The following EIF2AK3 variants were observed in gnomAD, a reference collection of about 807,000 sequenced individuals.
EIF2AK3 encodes eukaryotic translation initiation factor 2-alpha kinase 3.
Under a neutral mutation model 113.5 loss-of-function variants are expected in EIF2AK3, and 50 were observed. That is an observed-to-expected ratio of 0.44 (90% CI 0.35 to 0.56). The LOEUF is 0.56. Among genes scored for constraint, EIF2AK3 ranks in the 20% least tolerant of loss-of-function variants. The pLI is 0.00. For synonymous variants in EIF2AK3, 448 were observed against 495.4 expected (o/e 0.90, Z 1.27); for missense variants, 1,185 against 1,378.0 (o/e 0.86, Z 2.22).
At chr2:88,594,044 G>T in intron 3 of EIF2AK3, 1 of 663,428 alleles carries the variant, frequency 1.5e-6, no homozygotes, top group Non-Finnish European at 1.9e-6. Context: ...AAAACGGCCA[G>T]ATAGGATGGC....
At chr2:88,558,329 A>G (rs1009060762) in intron 16 of EIF2AK3, among the ~76,000 whole-genome samples, 11 of 152,238 alleles carry the variant, frequency 7.2e-5, no homozygotes, top group African/African-American at 2.4e-4. Context: ...ATCATCTTAT[A>G]ATTGCATGTA....
Position 88,556,801 on chromosome 2 carries a change from C to A in EIF2AK3, c.*935G>T, listed in dbSNP as rs1673788906. 6.6e-6 allele frequency: 1 copy of A among 152,166 alleles called. No individual in the cohort carries two copies. The highest frequency in any genetic ancestry group is 2.1e-4 in the South Asian group (1 of 4,832). 9.4% of individuals were successfully genotyped at this position (152,166 alleles called of 1,614,324 possible). A position where few individuals can be genotyped will look rare whatever the true frequency, so the allele number is the denominator to read the frequency against. ...TTGAAAGAAGTCACAAGTTAACACA[C>A]TTAAGTGTGTTCTGTACACCACCAA... On this transcript the variant is annotated 3_prime_UTR_variant, in exon 17 of 17. Transcript: ENST00000303236.
rs1011056886 is a variant in EIF2AK3 at position 88,557,433 on chromosome 2, T to C, written c.*303A>G. ...TCCATTTTAGTTCTCACTATATATA[T>C]ATATTAGGGATTGCTGCTACCTCCT... On this transcript the variant is annotated 3_prime_UTR_variant, in exon 17 of 17. Coordinates refer to ENST00000303236, the MANE Select transcript of EIF2AK3 (RefSeq NM_004836.7). 18 of 407,890 alleles carry C rather than the reference T, an allele frequency of 4.4e-5. No individual in the cohort carries two copies. The highest frequency in any genetic ancestry group is 8.2e-5 in the Non-Finnish European group (18 of 219,454). The allele number at this position is 407,890 out of a possible 1,614,324, so 25.3% of individuals were successfully genotyped here.
intron 2 of EIF2AK3, among the ~76,000 whole-genome samples, chr2:88,599,080 C>T (rs1332180599): frequency 6.6e-6 from 1 of 151,432 alleles, no homozygotes; most frequent in East Asian, 1.9e-4. Context: ...GAAATTATTT[C>T]CAAACAAGAG....
At chr2:88,594,808 A>C (rs1353893808) in intron 3 of EIF2AK3, among the ~76,000 whole-genome samples, 1 of 142,514 alleles carries the variant, frequency 7.0e-6, no homozygotes, top group Non-Finnish European at 1.5e-5. Context: ...AATCTTTATA[A>C]GGTTCTTCAT....
chr2:88,575,683 G>C (rs1042749678), intron 12 of EIF2AK3: 5 of 523,880 alleles, frequency 9.5e-6, no homozygotes. Flanking sequence ...CAGTTACCTG[G>C]GACTGTCTGG....
In EIF2AK3 at chr2:88,590,439, T is replaced by G; in HGVS notation, c.1165+4A>C. 6.2e-7 allele frequency: 1 copy of G among 1,613,718 alleles called. No individual in the cohort carries two copies. Among genetic ancestry groups the G allele is most frequent in the Non-Finnish European group, 8.5e-7 (1 of 1,179,822 alleles). ...CTATCGTTAGATAAGATACATTTAC[T>G]CACCCAAGTAAACACTGTTTTCTGT... On this transcript the variant is annotated splice_donor_region_variant and intron_variant, in intron 6 of 16. Coordinates refer to ENST00000303236, the MANE Select transcript of EIF2AK3 (RefSeq NM_004836.7).
chr2:88,576,834 A>C, intron 11 of EIF2AK3, 131 bp from the exon 12 acceptor site: 1 of 1,010,800 alleles, frequency 9.9e-7, no homozygotes, highest in Non-Finnish European at 1.4e-6. Flanking sequence ...AATTAAAGAA[A>C]TAAAATTAGC....
At position 88,570,871 on chromosome 2, in the gene EIF2AK3, C is replaced by T; in HGVS notation, c.2985+3G>A. ...CTAGTAAGTAAAGGTCTGAAAAACT[C>T]ACCTGCTCTGGGCTCATATACAGTT... On this transcript the variant is annotated splice_donor_region_variant and intron_variant, in intron 14 of 16. Coordinates refer to ENST00000303236, the MANE Select transcript of EIF2AK3 (RefSeq NM_004836.7). 1.2e-6 allele frequency: 2 copies of T among 1,614,134 alleles called. No individual in the cohort carries two copies. The highest frequency in any genetic ancestry group is 1.7e-5 in the Admixed American group (1 of 60,018).
At chr2:88,608,369 C>T (rs1675340772) in intron 2 of EIF2AK3, among the ~76,000 whole-genome samples, 1 of 152,100 alleles carries the variant, frequency 6.6e-6, no homozygotes, top group Admixed American at 6.5e-5. Flanking sequence ...GCCCAACTTT[C>T]ATACCATTCT....
intron 16 of EIF2AK3, 84 bp from the exon 17 acceptor site, chr2:88,558,020 T>A: frequency 7.4e-7 from 1 of 1,357,548 alleles, no homozygotes; most frequent in Non-Finnish European, 1.0e-6. Flanking sequence ...GCAAAATATT[T>A]CTGTACATAT....
Position 88,627,288 on chromosome 2 carries a change from C to G in EIF2AK3, c.-14G>C, listed in dbSNP as rs918978676. 10 of 1,483,958 alleles carry G rather than the reference C, an allele frequency of 6.7e-6. No homozygotes were observed. Among genetic ancestry groups the G allele is most frequent in the South Asian group, 3.8e-5 (3 of 79,640 alleles). The allele number at this position is 1,483,958 out of a possible 1,614,324, so 91.9% of individuals were successfully genotyped here. ...GGCGCGCTCCATCAGCGTCCCGCCC[C>G]GCGCGCAGGCATGGAGGCGCAGCCA... On this transcript the variant is annotated 5_prime_UTR_variant, in exon 1 of 17. Transcript: ENST00000303236.
At chr2:88,611,623 A>G (rs1054592786) in intron 2 of EIF2AK3, among the ~76,000 whole-genome samples, 1 of 152,002 alleles carries the variant, frequency 6.6e-6, no homozygotes, top group Admixed American at 6.6e-5. Context: ...TCGATTCAAC[A>G]TTTCTTTTGC....
intron 10 of EIF2AK3, 134 bp downstream of exon 10, chr2:88,583,296 T>C: frequency 1.5e-6 from 1 of 669,384 alleles, no homozygotes; most frequent in Non-Finnish European, 2.6e-6. Context: ...TTAAGTTACC[T>C]GAATTTATTT....
Position 88,590,511 on chromosome 2 carries a change from T to A in EIF2AK3, c.1097A>T (p.Asp366Val), listed in dbSNP as rs1417492130. 1 of 1,613,720 alleles carries A rather than the reference T, an allele frequency of 6.2e-7. No homozygotes were observed. The highest frequency in any genetic ancestry group is 8.5e-7 in the Non-Finnish European group (1 of 1,179,946). ...AATGTCTTCTTCATCTTCTAAAACA[T>A]CATCATTAGATGTATAACTTGTATC... is the stretch of plus-strand genomic sequence containing the variant. Reference protein sequence around the residue: ...FDDTSYTSNDDVLEDEEDIVE... With the variant: ...FDDTSYTSNDVVLEDEEDIVE... Residue 366 changes from aspartate (D) to valine (V), a missense_variant, in exon 6 of 17, where the codon GAT (aspartate) becomes GTT (valine). Asp to Val is a radical substitution (Grantham distance 152, BLOSUM62 -3). This residue lies in a region of EIF2AK3 where 877 missense variants were observed against 1,024.2 expected (regional missense o/e 0.86). Transcript: ENST00000303236.
intron 9 of EIF2AK3, among the ~76,000 whole-genome samples, chr2:88,583,875 G>A (rs979906868): frequency 5.3e-5 from 8 of 149,922 alleles, no homozygotes; most frequent in Admixed American, 2.6e-4. Flanking sequence ...GATTTCTTTT[G>A]ACAAAATAAG....
chr2:88,592,381 T>C (rs891722349), intron 4 of EIF2AK3, among the ~76,000 whole-genome samples: 1 of 151,762 alleles, frequency 6.6e-6, no homozygotes, highest in East Asian at 1.9e-4. Flanking sequence ...AATTAGAGAG[T>C]CAAATAAGTT....
intron 13 of EIF2AK3, among the ~76,000 whole-genome samples, chr2:88,574,149 A>C (rs1415957802): frequency 6.6e-6 from 1 of 152,090 alleles, no homozygotes; most frequent in African/African-American, 2.4e-5. Context: ...CCTTCCCCCA[A>C]AGTCTAAACA....
At chr2:88,601,869 T>G in intron 2 of EIF2AK3, among the ~76,000 whole-genome samples, 1 of 150,636 alleles carries the variant, frequency 6.6e-6, no homozygotes. Flanking sequence ...TTTCTTTTTT[T>G]GAGATGGGGT....
Sources: gnomAD v4.1 joint callset for allele counts (sites outside exome capture counted in the v4.1 genomes callset) on GRCh38, gnomAD v4.1.1 for gene constraint, gnomAD v4.1.1 regional missense constraint, MANE v1.5 for transcripts, NCBI Gene and HGNC (gene_info 2026-07-23, HGNC 2026-07-21) for gene names.